SYNE1: variants seen among roughly 807,000 people sequenced by gnomAD.
SYNE1 encodes spectrin repeat containing nuclear envelope protein 1, also known as nesprin-1.
A neutral mutation model predicts 1,111.0 loss-of-function variants in SYNE1; 616 were observed. The ratio of observed to expected loss-of-function variants is 0.55; its 90% CI spans 0.52 to 0.59. The LOEUF (loss-of-function observed/expected upper bound fraction) is 0.59, where lower values mean the gene tolerates loss of function less well. SYNE1 is among the 20% of genes least tolerant of loss of function. The pLI is 0.00. For synonymous variants in SYNE1, 3,855 were observed against 3,825.8 expected (o/e 1.01, Z -0.28); for missense variants, 10,006 against 10,417.0 (o/e 0.96, Z 1.72).
chr6:152,351,143 T>A (rs916759644), intron 70 of SYNE1, among the ~76,000 whole-genome samples: 3 of 152,250 alleles, frequency 2.0e-5, no homozygotes, highest in Non-Finnish European at 4.4e-5. Flanking sequence ...TAGTTCCAGT[T>A]TGAGCTATTT....
chr6:152,291,636 T>G (rs528306927), intron 95 of SYNE1, among the ~76,000 whole-genome samples: 1 of 152,146 alleles, frequency 6.6e-6, no homozygotes, highest in African/African-American at 2.4e-5. Context: ...GTACGAACTC[T>G]GGAAGGGCAG....
At chr6:152,194,079 T>A (rs2073424290) in intron 127 of SYNE1, among the ~76,000 whole-genome samples, 1 of 152,156 alleles carries the variant, frequency 6.6e-6, no homozygotes, top group African/African-American at 2.4e-5. Flanking sequence ...TGTTTTTCTG[T>A]GTATTTACTA....
intron 128 of SYNE1, among the ~76,000 whole-genome samples, chr6:152,184,437 C>CAAA (rs199660419): frequency 2.9e-5 from 3 of 104,702 alleles, no homozygotes; most frequent in African/African-American, 3.4e-5. Flanking sequence ...AACTCTGTTT[C>CAAA]AAAAAAAAAA....
chr6:152,280,090 A>G (rs2093940275), intron 97 of SYNE1, among the ~76,000 whole-genome samples: 1 of 152,230 alleles, frequency 6.6e-6, no homozygotes, highest in Non-Finnish European at 1.5e-5. Flanking sequence ...AACAGCCTAC[A>G]AAAATGAAGT....
At chr6:152,540,689 C>G (rs957700517) in intron 3 of SYNE1, among the ~76,000 whole-genome samples, 1 of 152,204 alleles carries the variant, frequency 6.6e-6, no homozygotes, top group Non-Finnish European at 1.5e-5. Flanking sequence ...TTATGATACT[C>G]CAGCTTAGCT....
chr6:152,189,487 T>C, intron 127 of SYNE1, 80 bp from the exon 128 acceptor site: 3 of 1,408,670 alleles, frequency 2.1e-6, no homozygotes, highest in Admixed American at 1.7e-5. Context: ...CCCCTCTTGA[T>C]AGAATTTCCT....
rs764928511 is a variant in SYNE1, at chr6:152,441,113, A to T, written c.4149+17T>A. On this transcript the variant is annotated intron_variant, in intron 32 of 145. Coordinates refer to ENST00000367255, the MANE Select transcript of SYNE1 (RefSeq NM_182961.4). The stretch of plus-strand genomic sequence containing the variant: ...TTGTTTTTTCTGAATATTGGGTACC[A>T]AGGAGCCATAATATACCTTTGTTTG... 1.2e-6 allele frequency: 2 copies of T among 1,613,082 alleles called. No homozygotes were observed. The highest frequency in any genetic ancestry group is 2.2e-5 in the South Asian group (2 of 91,024).
At chr6:152,184,133 A>G (rs888738192) in intron 128 of SYNE1, among the ~76,000 whole-genome samples, 2 of 152,208 alleles carry the variant, frequency 1.3e-5, no homozygotes, top group African/African-American at 2.4e-5. Flanking sequence ...TAAGAGAGTA[A>G]TTTAAGAAAT....
At chr6:152,544,971 CTG>C (rs1209354566) in intron 3 of SYNE1, among the ~76,000 whole-genome samples, 3 of 152,186 alleles carry the variant, frequency 2.0e-5, no homozygotes. Flanking sequence ...TGATGTAAAA[CTG>C]TGTCACAGGG....
At chr6:152,477,765 A>G (rs2098843804) in intron 14 of SYNE1, among the ~76,000 whole-genome samples, 1 of 152,158 alleles carries the variant, frequency 6.6e-6, no homozygotes, top group Admixed American at 6.5e-5. Context: ...ATTTGTTGAA[A>G]GAATAGGGAA....
intron 4 of SYNE1, among the ~76,000 whole-genome samples, chr6:152,528,200 T>C (rs112844960): frequency 1.2e-3 from 177 of 152,338 alleles, no homozygotes; most frequent in African/African-American, 3.7e-3. Flanking sequence ...AATTTTTTTC[T>C]GCTTATACAT....
intron 61 of SYNE1, chr6:152,368,226 G>T (rs774395106): frequency 6.6e-6 from 1 of 152,328 alleles, no homozygotes; most frequent in Non-Finnish European, 1.5e-5. Flanking sequence ...ACACCTGAAA[G>T]TTAAAAACAT....
In SYNE1 at chr6:152,471,761, G is replaced by A; in HGVS notation, c.1468C>T (p.His490Tyr). The A allele has an allele frequency of 1.2e-6, 2 of 1,613,316 alleles. No homozygotes were observed. The highest frequency in any genetic ancestry group is 1.7e-6 in the Non-Finnish European group (2 of 1,179,494). ...AGCTCTGATGTGGAGGAAACAAAAT[G>A]AAACCTAGAAATAAAACAGGGAGAA... ...DQLEDMAERF[H>Y]FVSSTSELHL... Residue 490 changes from histidine (H) to tyrosine (Y), a missense_variant, in exon 16 of 146, where the codon CAT becomes TAT. His to Tyr is a moderately conservative substitution (Grantham distance 83, BLOSUM62 2). Around this residue, in one of 7 missense-constraint regions of SYNE1, gnomAD observed 1,971 missense variants for 2,084.1 expected, o/e 0.95. Coordinates refer to ENST00000367255, the MANE Select transcript of SYNE1 (RefSeq NM_182961.4).
Position 152,416,909 on chromosome 6 carries a change from T to C in SYNE1, c.5528A>G (p.Gln1843Arg). ...LGRAEDLHLL[Q>R]GKAEDCFQLF... ...CTGGAAGCAGTCCTCAGCCTTTCCC[T>C]GCAGGAGGTGGAGGTCCTCAGCACG... Residue 1843 changes from glutamine (Q) to arginine (R), a missense_variant, in exon 41 of 146, where the codon CAG becomes CGG. Physicochemically the swap from Gln to Arg is conservative, Grantham distance 43 (BLOSUM62 1). Transcript: ENST00000367255. 6.2e-7 allele frequency: 1 copy of C among 1,614,060 alleles called. No homozygotes were observed. Among genetic ancestry groups the C allele is most frequent in the South Asian group, 1.1e-5 (1 of 91,078 alleles).
chr6:152,602,715 C>T (rs982240494), intron 3 of SYNE1, among the ~76,000 whole-genome samples: 5 of 152,134 alleles, frequency 3.3e-5, no homozygotes, highest in African/African-American at 1.2e-4. Flanking sequence ...TGATCTGAAA[C>T]TAGACCCACA....
At position 152,396,938 on chromosome 6, in the gene SYNE1, C is replaced by T. The variant is rs777033595; in HGVS notation, c.7393G>A (p.Ala2465Thr). ...AAAGTTTGTCCTTCTTGAGTCACTG[C>T]ATCAAGTTTGCTCTGCCCATCACTG... ...SVSDGQSKLDAVTQEGQTLYA... is the reference protein window; with the variant it reads ...SVSDGQSKLDTVTQEGQTLYA... Residue 2465 changes from alanine to threonine, a missense_variant, in exon 50 of 146, where the codon GCA (alanine) becomes ACA (threonine). Ala to Thr is a moderately conservative substitution (Grantham distance 58, BLOSUM62 0). This residue lies in a region of SYNE1 where 4,955 missense variants were observed against 5,017.2 expected (regional missense o/e 0.99). Coordinates refer to ENST00000367255, the MANE Select transcript of SYNE1 (RefSeq NM_182961.4). The T allele has an allele frequency of 6.2e-7, 1 of 1,614,060 alleles. No homozygotes were observed. The highest frequency in any genetic ancestry group is 8.5e-7 in the Non-Finnish European group (1 of 1,180,028).
Position 152,331,714 on chromosome 6 carries a change from C to A in SYNE1, c.12971G>T (p.Arg4324Leu), listed in dbSNP as rs376805595. Residue 4324 changes from arginine (R) to leucine (L), a missense_variant, in exon 78 of 146, where the codon CGT becomes CTT. Around this residue, in one of 7 missense-constraint regions of SYNE1, gnomAD observed 4,955 missense variants for 5,017.2 expected, o/e 0.99. Transcript: ENST00000367255. ...VKEQTSHLEQRWFQLEDLIKR... is the reference protein window; with the variant it reads ...VKEQTSHLEQLWFQLEDLIKR... ...AATGAGGTCCTCAAGCTGAAACCAA[C>A]GTTGCTCTAAATGACTCGTCTGTTC... 1 of 1,614,082 alleles carries A rather than the reference C, an allele frequency of 6.2e-7. No homozygotes were observed. Among genetic ancestry groups the A allele is most frequent in the Non-Finnish European group, 8.5e-7 (1 of 1,180,044 alleles).
In SYNE1 at chr6:152,239,555, A is replaced by ACACCC; in HGVS notation, c.20040_20044dup (p.Val6682GlyfsTer9). ...CACCTCTAGAATGTACTCCAGCTCC[A>ACACCC]CACCCCTCTTGTGAGCCCGTTTCAG... On this transcript the variant is annotated frameshift_variant, in exon 108 of 146. Coordinates refer to ENST00000367255, the MANE Select transcript of SYNE1 (RefSeq NM_182961.4). LOFTEE classifies it high-confidence loss of function. 1 of 1,614,164 alleles carries ACACCC rather than the reference A, an allele frequency of 6.2e-7. No homozygotes were observed.
At chr6:152,188,855 G>A (rs1201504698) in intron 128 of SYNE1, among the ~76,000 whole-genome samples, 1 of 149,202 alleles carries the variant, frequency 6.7e-6, no homozygotes, top group African/African-American at 2.5e-5. Context: ...CTACTTGGGA[G>A]GCTGAGGCAG....
Sources: allele counts gnomAD v4.1 joint callset (sites outside exome capture counted in the v4.1 genomes callset), GRCh38; gene constraint gnomAD v4.1.1; regional missense constraint gnomAD v4.1.1; transcripts MANE v1.5; gene names NCBI Gene and HGNC (gene_info 2026-07-23, HGNC 2026-07-21).